PCDHGA1: variants seen among roughly 807,000 people sequenced by gnomAD.
PCDHGA1 encodes protocadherin gamma-A1.
A neutral mutation model predicts 58.0 loss-of-function variants in PCDHGA1; 32 were observed. The observed-to-expected ratio is 0.55, with a 90% CI of 0.42 to 0.74. The LOEUF (loss-of-function observed/expected upper bound fraction) is 0.74. Among genes scored for constraint, PCDHGA1 ranks in the 30% least tolerant of loss-of-function variants. The pLI is 0.00. For synonymous variants in PCDHGA1, 498 were observed against 501.1 expected (o/e 0.99, Z 0.08); for missense variants, 1,205 against 1,182.3 (o/e 1.02, Z -0.28).
At position 141,334,405 on chromosome 5, in the gene PCDHGA1, C is replaced by G. The variant is rs1175515664; in HGVS notation, c.2421+1300C>G. 2 of 151,776 alleles carry G rather than the reference C, an allele frequency of 1.3e-5. No homozygotes were observed. The highest frequency in any genetic ancestry group is 2.9e-5 in the Non-Finnish European group (2 of 67,944). The allele number at this position is 151,776 out of a possible 1,614,324, so 9.4% of individuals were successfully genotyped here. A position where few individuals can be genotyped will look rare whatever the true frequency, so the allele number is the denominator to read the frequency against. On this transcript the variant is annotated intron_variant, in intron 1 of 3. Transcript: ENST00000517417. This position sits in a 1 kb window ranked among gnomAD's most constrained non-coding sequence, Gnocchi z 4.6. ...ATTTGAGAGGCTGAGGCGGAAAGAT[C>G]CTTGGAGCCCTGGAGTTCAAGACCA...
intron 1 of PCDHGA1, chr5:141,423,074 G>T (rs2096705802): frequency 6.2e-7 from 1 of 1,614,006 alleles, no homozygotes; most frequent in African/African-American, 1.3e-5. Flanking sequence ...AGCGAGCCGG[G>T]ACTCTTCGCG....
Position 141,431,442 on chromosome 5 carries a change from T to G in PCDHGA1, c.2422-63365T>G. 6.2e-7 allele frequency: 1 copy of G among 1,613,746 alleles called. No individual in the cohort carries two copies. The highest frequency in any genetic ancestry group is 1.7e-5 in the Admixed American group (1 of 60,014). The stretch of plus-strand genomic sequence containing the variant: ...CCGGTGCGCACAGGCACCGCGCGCA[T>G]CCGCGTGATGGTTCTGGATGCGAAC... On this transcript the variant is annotated intron_variant, in intron 1 of 3. Coordinates refer to ENST00000517417, the MANE Select transcript of PCDHGA1 (RefSeq NM_018912.3). This position sits in a 1 kb window ranked among gnomAD's most constrained non-coding sequence, Gnocchi z 4.8.
intron 1 of PCDHGA1, among the ~76,000 whole-genome samples, chr5:141,358,847 A>G (rs1279755498): frequency 6.6e-6 from 1 of 152,176 alleles, no homozygotes; most frequent in Non-Finnish European, 1.5e-5. Context: ...TATTGCTACA[A>G]ATTGCTTTCA....
chr5:141,448,784 C>CA (rs576464275), intron 1 of PCDHGA1, among the ~76,000 whole-genome samples: 7,532 of 145,718 alleles, frequency 0.052, 302 homozygotes, highest in African/African-American at 0.11. Flanking sequence ...ACTAAAAATA[C>CA]AAAAAAAAAA....
rs777235141 is a variant in PCDHGA1 at position 141,331,446 on chromosome 5, C to G, written c.762C>G (p.Asn254Lys). 1 of 1,614,022 alleles carries G rather than the reference C, an allele frequency of 6.2e-7. No homozygotes were observed. Among genetic ancestry groups the G allele is most frequent in the African/African-American group, 1.3e-5 (1 of 74,904 alleles). ...QAQYHINVPE[N>K]VPLGTQLLMV... ...AATACCATATAAATGTCCCCGAAAA[C>G]GTGCCGCTGGGTACTCAGCTGCTCA... is the stretch of plus-strand genomic sequence containing the variant. Residue 254 changes from asparagine to lysine, a missense_variant, in exon 1 of 4, where the codon AAC becomes AAG. Asn to Lys is a moderately conservative substitution (Grantham distance 94). Coordinates refer to ENST00000517417, the MANE Select transcript of PCDHGA1 (RefSeq NM_018912.3).
In PCDHGA1 at chr5:141,511,281, G is replaced by A; in HGVS notation, c.*108G>A. The A allele has an allele frequency of 2.0e-6, 3 of 1,531,280 alleles. No homozygotes were observed. Among genetic ancestry groups the A allele is most frequent in the Non-Finnish European group, 2.6e-6 (3 of 1,137,132 alleles). 94.9% of individuals were successfully genotyped at this position (1,531,280 alleles called of 1,614,324 possible). ...TTCAGGGCTAACCCCCAGAATACTG[G>A]TAGGGGCCAAGGCCATGCTCCCCTT... On this transcript the variant is annotated 3_prime_UTR_variant, in exon 4 of 4. Transcript: ENST00000517417.
chr5:141,431,162 G>C lies in PCDHGA1; in HGVS notation c.2422-63645G>C, dbSNP rs757521794. The C allele has an allele frequency of 3.1e-6, 5 of 1,614,246 alleles. No homozygotes were observed. The South Asian group carries it at 5.5e-5, about 18-fold the overall frequency. On this transcript the variant is annotated intron_variant, in intron 1 of 3. Coordinates refer to ENST00000517417, the MANE Select transcript of PCDHGA1 (RefSeq NM_018912.3). The surrounding 1 kb of genome is among the most constrained non-coding windows in gnomAD (Gnocchi z 4.8). Reference sequence around the variant, plus strand: ...TAACGACAATGCGCCTTACTTTCGTGAAAGTGAATTAGAAATAAAAATTAG... The same window carrying C: ...TAACGACAATGCGCCTTACTTTCGTCAAAGTGAATTAGAAATAAAAATTAG...
intron 1 of PCDHGA1, among the ~76,000 whole-genome samples, chr5:141,455,967 A>T (rs965245893): frequency 2.7e-5 from 4 of 150,838 alleles, no homozygotes; most frequent in Non-Finnish European, 4.4e-5. Flanking sequence ...GCGCGATCTC[A>T]GCTCACTGCA....
Position 141,410,699 on chromosome 5 carries a change from A to C in PCDHGA1, c.2421+77594A>C, listed in dbSNP as rs760193148. On this transcript the variant is annotated intron_variant, in intron 1 of 3. Transcript: ENST00000517417. ...ATTTTAGGCATACTACTTTATTTTC[A>C]TATCTAGAATCATATGTTTAAAATC... The C allele has an allele frequency of 2.0e-6, 3 of 1,478,344 alleles. No homozygotes were observed. In the South Asian group the frequency reaches 4.0e-5, roughly 20 times the overall value. The allele number at this position is 1,478,344 out of a possible 1,614,324, so 91.6% of individuals were successfully genotyped here. A position where few individuals can be genotyped will look rare whatever the true frequency, so the allele number is the denominator to read the frequency against.
rs1384345694 is a variant in PCDHGA1, at chr5:141,333,118, G to A, written c.2421+13G>A. 5.6e-6 allele frequency: 9 copies of A among 1,614,092 alleles called. No individual in the cohort carries two copies. The highest frequency in any genetic ancestry group is 7.6e-6 in the Non-Finnish European group (9 of 1,180,048). On this transcript the variant is annotated intron_variant, in intron 1 of 3. Transcript: ENST00000517417. ...ACCATTTTCTCAGGTAAACTTTTGT[G>A]ATGAATGTATCAGCTATCTAGAGAA...
intron 1 of PCDHGA1, chr5:141,405,358 A>T: frequency 6.2e-7 from 1 of 1,613,900 alleles, no homozygotes; most frequent in East Asian, 2.2e-5. Flanking sequence ...TTCCTATAGA[A>T]GACACCCCTT....
chr5:141,388,336 G>C, intron 1 of PCDHGA1: 2 of 1,613,966 alleles, frequency 1.2e-6, no homozygotes, highest in South Asian at 1.1e-5. Context: ...CCTGGCACAC[G>C]ATTTATATTA....
chr5:141,509,144 G>C (rs969990007), intron 3 of PCDHGA1, among the ~76,000 whole-genome samples: 14 of 152,114 alleles, frequency 9.2e-5, no homozygotes, highest in Admixed American at 2.0e-4. Context: ...GGCGCATCCC[G>C]GCTCTCCCCT....
chr5:141,408,329 A>G (rs2095085203), intron 1 of PCDHGA1: 1 of 1,613,698 alleles, frequency 6.2e-7, no homozygotes, highest in Admixed American at 1.7e-5. Context: ...GGAGCTGGCC[A>G]AGGGCTCGGT....
At chr5:141,496,509 C>A (rs955577717) in intron 2 of PCDHGA1, among the ~76,000 whole-genome samples, 3 of 152,168 alleles carry the variant, frequency 2.0e-5, no homozygotes, top group Non-Finnish European at 4.4e-5. Context: ...GCCACAAGGA[C>A]CCAGGAGCCC....
At chr5:141,366,346 G>A in intron 1 of PCDHGA1, 1 of 1,613,932 alleles carries the variant, frequency 6.2e-7, no homozygotes, top group South Asian at 1.1e-5. Context: ...CTGACATCCT[G>A]GCTGACCTAG....
chr5:141,375,877 G>A lies in PCDHGA1; in HGVS notation c.2421+42772G>A, dbSNP rs752155500. ...AGGTGGTGGCGGTGGACAGAGACTC[G>A]GGCCAGAACGCCTGGCTGTCCTACC... On this transcript the variant is annotated intron_variant, in intron 1 of 3. Transcript: ENST00000517417. 8 of 1,613,676 alleles carry A rather than the reference G, an allele frequency of 5.0e-6. No individual in the cohort carries two copies. In the East Asian group the frequency reaches 1.3e-4, roughly 27 times the overall value.
chr5:141,441,289 T>C (rs1350801949), intron 1 of PCDHGA1: 1 of 152,212 alleles, frequency 6.6e-6, no homozygotes, highest in Non-Finnish European at 1.5e-5. Flanking sequence ...CGAGGTCACA[T>C]GTCTGATATA....
rs1328476453 is a variant in PCDHGA1, at chr5:141,431,444, C to T, written c.2422-63363C>T. 4.3e-6 allele frequency: 7 copies of T among 1,613,732 alleles called. No homozygotes were observed. The highest frequency in any genetic ancestry group is 5.9e-6 in the Non-Finnish European group (7 of 1,180,022). On this transcript the variant is annotated intron_variant, in intron 1 of 3. Transcript: ENST00000517417. The surrounding 1 kb of genome is among the most constrained non-coding windows in gnomAD (Gnocchi z 4.8). ...GGTGCGCACAGGCACCGCGCGCATCCGCGTGATGGTTCTGGATGCGAACGA... is the reference window on the plus strand; with the variant it reads ...GGTGCGCACAGGCACCGCGCGCATCTGCGTGATGGTTCTGGATGCGAACGA...
Sources: allele counts gnomAD v4.1 joint callset (sites outside exome capture counted in the v4.1 genomes callset), GRCh38; gene constraint gnomAD v4.1.1; non-coding constraint Gnocchi (gnomAD v3.1); transcripts MANE v1.5; gene names NCBI Gene and HGNC (gene_info 2026-07-23, HGNC 2026-07-21).